Variants in NRXN3 observed in about 807,000 individuals in gnomAD.
The protein encoded by NRXN3 is neurexin 3, also known as neurexin III.
In NRXN3, 32 loss-of-function variants were observed where a neutral mutation model predicts 137.6. The ratio of observed to expected loss-of-function variants is 0.23; its 90% CI spans 0.18 to 0.31. The LOEUF (loss-of-function observed/expected upper bound fraction) is 0.31, where lower values mean the gene tolerates loss of function less well. Among genes scored for constraint, NRXN3 ranks in the 10% least tolerant of loss-of-function variants. NRXN3 has a pLI of 1.00. For missense variants in NRXN3, 1,574 were observed against 2,062.5 expected, an observed-to-expected ratio of 0.76 and a Z score of 4.59; for synonymous variants, 798 against 784.5, an observed-to-expected ratio of 1.02 and a Z score of -0.29.
At position 79,643,279 on chromosome 14, in the gene NRXN3, A is replaced by G. The variant is rs188468005; in HGVS notation, c.3445-20499A>G. Among the ~76,000 whole-genome samples the G allele has an allele frequency of 1.2e-3, 161 of 135,982 alleles. 9 individuals carry two copies. The highest frequency in any genetic ancestry group is 3.8e-3 in the African/African-American group (157 of 40,872). The allele number at this position is 135,982 out of a possible 152,430, so 89.2% of individuals were successfully genotyped here. ...CTCACCACATCACAGTATAGCTGCT[A>G]CTATTCCTCCTGTCTTCCTGTCTCA... On this transcript the variant is annotated intron_variant, in intron 16 of 20. Transcript: ENST00000335750.
chr14:78,750,958 A>G (rs1037436202), intron 8 of NRXN3, among the ~76,000 whole-genome samples: 1 of 152,216 alleles, frequency 6.6e-6, no homozygotes, highest in African/African-American at 2.4e-5. Context: ...TTGAAAATAT[A>G]TTAAACTGAC....
At chr14:79,219,997 T>A (rs2069256649) in intron 15 of NRXN3, among the ~76,000 whole-genome samples, 1 of 152,210 alleles carries the variant, frequency 6.6e-6, no homozygotes, top group African/African-American at 2.4e-5. Context: ...AGCTACTTTA[T>A]AGGTCATATA....
At chr14:78,408,782 A>G (rs1232097619) in intron 4 of NRXN3, among the ~76,000 whole-genome samples, 1 of 152,248 alleles carries the variant, frequency 6.6e-6, no homozygotes, top group Non-Finnish European at 1.5e-5. Context: ...TCCCCTCTGC[A>G]TTGCTGGAGA....
At chr14:78,829,226 C>A (rs139901108) in intron 10 of NRXN3, among the ~76,000 whole-genome samples, 1 of 152,258 alleles carries the variant, frequency 6.6e-6, no homozygotes, top group Non-Finnish European at 1.5e-5. Context: ...TACAATCATC[C>A]TTTCTTTTGT....
At chr14:79,833,230 G>A (rs995887999) in intron 20 of NRXN3, among the ~76,000 whole-genome samples, 4 of 151,964 alleles carry the variant, frequency 2.6e-5, no homozygotes, top group African/African-American at 4.8e-5. Flanking sequence ...CAATATCTAC[G>A]CACATTATAT....
At chr14:78,467,599 A>G (rs774497973) in intron 4 of NRXN3, among the ~76,000 whole-genome samples, 3 of 152,188 alleles carry the variant, frequency 2.0e-5, no homozygotes, top group Non-Finnish European at 2.9e-5. Context: ...TGCAGTGAAC[A>G]GTGGTATTAT....
chr14:78,529,965 A>G (rs140552213), intron 4 of NRXN3, among the ~76,000 whole-genome samples: 4 of 152,334 alleles, frequency 2.6e-5, no homozygotes, highest in Non-Finnish European at 5.9e-5. Flanking sequence ...TACAAATAGG[A>G]AGTCAATAAT....
Position 78,241,824 on chromosome 14 carries a change from A to ATCCTCCTCTCT in NRXN3, c.-703-565_-703-555dup, listed in dbSNP as rs1596302764. On this transcript the variant is annotated intron_variant, in intron 1 of 20. Coordinates refer to ENST00000335750, the MANE Select transcript of NRXN3 (RefSeq NM_001330195.2). Reference sequence around the variant, plus strand: ...TTTTTTTTTTAGAAGGAATAAAATAATCCTCCTCTCTTAATATTCAGTAAG... The same window carrying ATCCTCCTCTCT: ...TTTTTTTTTTAGAAGGAATAAAATAATCCTCCTCTCTTCCTCCTCTCTTAATATTCAGTAAG... Among the ~76,000 whole-genome samples, 5 of 152,050 alleles carry ATCCTCCTCTCT rather than the reference A, an allele frequency of 3.3e-5. No individual in the cohort carries two copies. The East Asian group carries it at 9.7e-4, about 29-fold the overall frequency.
rs181748596 is a variant in NRXN3 at position 79,429,630 on chromosome 14, G to A, written c.3263-37591G>A. ...CACTAGTGCATGAGGCTGCCATTAC[G>A]ATCGCCAAATGATAGCAGCTGTGAA... On this transcript the variant is annotated intron_variant, in intron 15 of 20. Transcript: ENST00000335750. 3.0e-4 allele frequency among the ~76,000 whole-genome samples: 45 copies of A among 152,272 alleles called. No individual in the cohort carries two copies. The East Asian group carries it at 7.9e-3, about 27-fold the overall frequency.
intron 10 of NRXN3, among the ~76,000 whole-genome samples, chr14:78,834,124 A>G (rs1190848571): frequency 6.6e-6 from 1 of 152,180 alleles, no homozygotes; most frequent in African/African-American, 2.4e-5. Flanking sequence ...TGGTGGTGGG[A>G]AAAGATGCAA....
chr14:78,172,757 C>T (rs1017360512), intron 1 of NRXN3, among the ~76,000 whole-genome samples: 3 of 152,092 alleles, frequency 2.0e-5, no homozygotes, highest in Admixed American at 2.0e-4. Flanking sequence ...TTTTCTGGAG[C>T]TTTCTGGCCC....
At chr14:78,949,592 ATTT>A (rs569606260) in intron 10 of NRXN3, among the ~76,000 whole-genome samples, 9 of 132,534 alleles carry the variant, frequency 6.8e-5, no homozygotes, top group African/African-American at 3.2e-4. Context: ...ATAGAAGTGA[ATTT>A]TTTTTTTTAA....
chr14:78,371,323 C>A (rs2086791869), intron 4 of NRXN3, among the ~76,000 whole-genome samples: 1 of 152,304 alleles, frequency 6.6e-6, no homozygotes, highest in South Asian at 2.1e-4. Context: ...CGGAGAGGAG[C>A]TCAGCAGTCT....
At chr14:78,526,620 CAT>C (rs2096383660) in intron 4 of NRXN3, 1 of 309,354 alleles carries the variant, frequency 3.2e-6, no homozygotes, top group South Asian at 3.0e-5. Context: ...AAAAATGGAG[CAT>C]ATCTGCTTTA....
intron 15 of NRXN3, among the ~76,000 whole-genome samples, chr14:79,030,603 A>G (rs1173985732): frequency 7.2e-6 from 1 of 138,256 alleles, no homozygotes; most frequent in Non-Finnish European, 1.5e-5. Flanking sequence ...CAAATTGTAC[A>G]GGTACATGGC....
At chr14:78,774,256 A>T (rs1378383886) in intron 8 of NRXN3, among the ~76,000 whole-genome samples, 1 of 152,166 alleles carries the variant, frequency 6.6e-6, no homozygotes, top group African/African-American at 2.4e-5. Flanking sequence ...ATGTTAAATA[A>T]ATTTTAAAGT....
chr14:78,273,754 C>T (rs1347881940), intron 2 of NRXN3, among the ~76,000 whole-genome samples: 1 of 152,154 alleles, frequency 6.6e-6, no homozygotes, highest in Admixed American at 6.5e-5. Context: ...GTTGACAAAC[C>T]AGGTAAGATT....
In NRXN3 at chr14:78,993,177, C is replaced by T. The variant is rs142452510; in HGVS notation, c.3262+5036C>T. Among the ~76,000 whole-genome samples the T allele has an allele frequency of 9.4e-4, 143 of 152,052 alleles. 2 individuals carry two copies. Among genetic ancestry groups the T allele is most frequent in the Non-Finnish European group, 1.3e-3 (91 of 67,970 alleles). On this transcript the variant is annotated intron_variant, in intron 15 of 20. Transcript: ENST00000335750. ...AGCTGCAGTGTTGGCTATTGATTGG[C>T]CTTTTGCTTTTTATTTATTGTGTGG...
intron 4 of NRXN3, among the ~76,000 whole-genome samples, chr14:78,523,503 A>C (rs1265548963): frequency 6.6e-6 from 1 of 152,140 alleles, no homozygotes; most frequent in Non-Finnish European, 1.5e-5. Context: ...TTAGTAAAGA[A>C]TACAAGAGAG....
Sources: allele counts gnomAD v4.1 joint callset (sites outside exome capture counted in the v4.1 genomes callset), GRCh38; gene constraint gnomAD v4.1.1; transcripts MANE v1.5; gene names NCBI Gene and HGNC (gene_info 2026-07-23, HGNC 2026-07-21).